The following L1TD1 variants were observed in gnomAD, a reference collection of about 807,000 sequenced individuals.
L1TD1 encodes the protein LINE-1 type transposase domain-containing protein 1.
L1TD1 carries 26 observed loss-of-function variants against 25.7 expected under a neutral mutation model. That is an observed-to-expected ratio of 1.01 (90% CI 0.74 to 1.40). The LOEUF is 1.40. L1TD1 is among the 40% of genes most tolerant of loss of function. The pLI is 0.00. For synonymous variants in L1TD1, 421 were observed against 335.6 expected (o/e 1.25, Z -2.78); for missense variants, 1,130 against 975.0 (o/e 1.16, Z -2.12).
Position 62,206,834 on chromosome 1 carries a change from T to C in L1TD1, c.206T>C (p.Met69Thr). The change falls in exon 3 of 4, where the codon ATG (methionine) becomes ACG (threonine). Residue 69 changes from methionine (M) to threonine (T), a missense_variant. Physicochemically the swap from Met to Thr is moderately conservative, Grantham distance 81. Coordinates refer to ENST00000498273, the MANE Select transcript of L1TD1 (RefSeq NM_019079.5). ...MEIQDLMFEE[M>T]RETLKNDLKA... ...ATTCAAGACCTGATGTTTGAGGAGA[T>C]GAGGGAAACTCTTAAAAATGACCTA... 6.2e-7 allele frequency: 1 copy of C among 1,609,958 alleles called. No individual in the cohort carries two copies. The highest frequency in any genetic ancestry group is 8.5e-7 in the Non-Finnish European group (1 of 1,177,996).
At chr1:62,202,082 C>G (rs962271725) in intron 2 of L1TD1, among the ~76,000 whole-genome samples, 2 of 152,164 alleles carry the variant, frequency 1.3e-5, no homozygotes, top group African/African-American at 2.4e-5. Flanking sequence ...GGGTGGATCA[C>G]CTGAGGTTGG....
At position 62,206,960 on chromosome 1, in the gene L1TD1, A is replaced by G. The variant is rs1031629613; in HGVS notation, c.332A>G (p.Gln111Arg). 1 of 1,613,608 alleles carries G rather than the reference A, an allele frequency of 6.2e-7. No homozygotes were observed. The highest frequency in any genetic ancestry group is 8.5e-7 in the Non-Finnish European group (1 of 1,179,902). The change falls in exon 3 of 4, where the codon CAA becomes CGA. Residue 111 changes from glutamine (Q) to arginine (R), a missense_variant. Gln to Arg is a conservative substitution (Grantham distance 43). Transcript: ENST00000498273. ...EFQQIINLAL[Q>R]KTGMVGKIEG... ...CAGCAAATAATCAATTTAGCATTAC[A>G]AAAAACAGGGATGGTAGGGAAAATA...
intron 2 of L1TD1, among the ~76,000 whole-genome samples, chr1:62,201,487 GCT>G: frequency 2.2e-5 from 2 of 89,762 alleles, no homozygotes; most frequent in East Asian, 2.6e-4. Flanking sequence ...GTGAGACCCT[GCT>G]TAAAAAAAAA....
chr1:62,208,841 C>T (rs929220691), intron 3 of L1TD1, among the ~76,000 whole-genome samples: 2 of 152,174 alleles, frequency 1.3e-5, no homozygotes, highest in Non-Finnish European at 1.5e-5. Context: ...TCTCCTCTGC[C>T]TTTCCAACAT....
chr1:62,202,975 A>G (rs953189815), intron 2 of L1TD1, among the ~76,000 whole-genome samples: 7 of 151,654 alleles, frequency 4.6e-5, no homozygotes, highest in Non-Finnish European at 8.8e-5. Context: ...GAGCCACCTC[A>G]CCCAGCCTAA....
intron 2 of L1TD1, among the ~76,000 whole-genome samples, chr1:62,204,162 A>T (rs1425664391): frequency 6.6e-6 from 1 of 152,060 alleles, no homozygotes; most frequent in Admixed American, 6.6e-5. Context: ...TCCCCTTGTT[A>T]TTCATAGTAT....
chr1:62,196,982 C>G (rs924688658), intron 2 of L1TD1, among the ~76,000 whole-genome samples: 3 of 151,934 alleles, frequency 2.0e-5, no homozygotes, highest in Admixed American at 6.6e-5. Flanking sequence ...TGGGTCAGGA[C>G]CCTTTTGCAG....
Position 62,206,737 on chromosome 1 carries a change from A to G in L1TD1, c.109A>G (p.Ile37Val). 6.4e-7 allele frequency: 1 copy of G among 1,551,952 alleles called. No homozygotes were observed. The highest frequency in any genetic ancestry group is 8.7e-7 in the Non-Finnish European group (1 of 1,147,040). Residue 37 changes from isoleucine (I) to valine (V), a missense_variant, in exon 3 of 4, where the codon ATA becomes GTA. Transcript: ENST00000498273. ...GCAGTTAACAGAAACTGATAAGGAC[A>G]TAGCTCCGGTATTAGATTTAAAATG... ...REQLTETDKD[I>V]APVLDLKCKD... is the part of the protein sequence containing the mutation.
chr1:62,209,892 A>G lies in L1TD1; in HGVS notation c.1118A>G (p.Asn373Ser). 6.2e-7 allele frequency: 1 copy of G among 1,614,132 alleles called. No homozygotes were observed. Among genetic ancestry groups the G allele is most frequent in the Non-Finnish European group, 8.5e-7 (1 of 1,180,036 alleles). Residue 373 changes from asparagine (N) to serine (S), a missense_variant, in exon 4 of 4, where the codon AAC becomes AGC. By Grantham distance (46) the Asn-to-Ser change is conservative. Coordinates refer to ENST00000498273, the MANE Select transcript of L1TD1 (RefSeq NM_019079.5). ...GTTGCTAAGCCAGAGGAGATGAAAAACTTAGAGACTCAAGAGGAAGAGTTT... is the reference window on the plus strand; with the variant it reads ...GTTGCTAAGCCAGAGGAGATGAAAAGCTTAGAGACTCAAGAGGAAGAGTTT... ...VKVAKPEEMK[N>S]LETQEEEFSE... is the part of the protein sequence containing the mutation.
At position 62,210,793 on chromosome 1, in the gene L1TD1, C is replaced by T; in HGVS notation, c.2019C>T (p.Phe673=). 1.3e-6 allele frequency: 2 copies of T among 1,550,252 alleles called. No homozygotes were observed. Among genetic ancestry groups the T allele is most frequent in the Non-Finnish European group, 1.7e-6 (2 of 1,146,698 alleles). ...IDSLEDQIEE[F]SKDTMQMTKQ... The stretch of plus-strand genomic sequence containing the variant: ...GTCTAGAAGATCAAATTGAAGAATT[C>T]TCTAAGGATACAATGCAAATGACCA... The change falls in exon 4 of 4, where the codon TTC becomes TTT. Residue 673 remains phenylalanine, a synonymous_variant. Transcript: ENST00000498273.
rs1348833398 is a variant in L1TD1 at position 62,209,942 on chromosome 1, G to A, written c.1168G>A (p.Glu390Lys). 1.9e-6 allele frequency: 3 copies of A among 1,612,628 alleles called. No homozygotes were observed. Among genetic ancestry groups the A allele is most frequent in the Admixed American group, 1.7e-5 (1 of 59,952 alleles). ...TTCCGAGCTAGAGGAGCTGGATGAA[G>A]AGGCCTCAGGGATGGAGGATGATGA... ...EFSELEELDE[E>K]ASGMEDDEDT... The change falls in exon 4 of 4, where the codon GAG becomes AAG. Residue 390 changes from glutamate to lysine, a missense_variant. Coordinates refer to ENST00000498273, the MANE Select transcript of L1TD1 (RefSeq NM_019079.5).
chr1:62,202,735 AGGCAAT>A (rs1670667179), intron 2 of L1TD1, among the ~76,000 whole-genome samples: 1 of 122,156 alleles, frequency 8.2e-6, no homozygotes, highest in African/African-American at 3.3e-5. Context: ...CCCAGGCTGG[AGGCAAT>A]GGCACGATCC....
chr1:62,199,477 C>T (rs1361645379), intron 2 of L1TD1, among the ~76,000 whole-genome samples: 3 of 148,116 alleles, frequency 2.0e-5, no homozygotes, highest in African/African-American at 5.0e-5. Context: ...CAGCCTAATC[C>T]ACAGAGTGAG....
In L1TD1 at chr1:62,210,279, C is replaced by T. The variant is rs183616731; in HGVS notation, c.1505C>T (p.Ala502Val). The T allele has an allele frequency of 1.8e-5, 29 of 1,613,910 alleles. No homozygotes were observed. Among genetic ancestry groups the T allele is most frequent in the Non-Finnish European group, 2.3e-5 (27 of 1,179,982 alleles). ...VKTTSLTEKKASRRQKEIPFS... is the reference protein window; with the variant it reads ...VKTTSLTEKKVSRRQKEIPFS... Reference sequence around the variant, plus strand: ...ACTACCTCCCTGACTGAGAAAAAAGCCTCACGTAGACAAAAAGAAATTCCC... The same window carrying T: ...ACTACCTCCCTGACTGAGAAAAAAGTCTCACGTAGACAAAAAGAAATTCCC... Residue 502 changes from alanine to valine, a missense_variant, in exon 4 of 4, where the codon GCC becomes GTC. By Grantham distance (64) the Ala-to-Val change is moderately conservative (BLOSUM62 0). Coordinates refer to ENST00000498273, the MANE Select transcript of L1TD1 (RefSeq NM_019079.5).
At chr1:62,197,391 AATAAATTATATATATATATAT>A (rs949836389) in intron 2 of L1TD1, among the ~76,000 whole-genome samples, 2 of 132,522 alleles carry the variant, frequency 1.5e-5, no homozygotes, top group African/African-American at 5.8e-5. Context: ...TCTCAAAAAA[AATAAATTATATATATATATAT>A]ATATATATAT....
At chr1:62,197,433 A>ATATATATATG (rs1174042182) in intron 2 of L1TD1, among the ~76,000 whole-genome samples, 118 of 138,418 alleles carry the variant, frequency 8.5e-4, no homozygotes, top group Non-Finnish European at 1.4e-3. Flanking sequence ...ATATATATAT[A>ATATATATATG]GTTTAGTCCT....
intron 2 of L1TD1, among the ~76,000 whole-genome samples, chr1:62,198,128 A>C (rs1349085815): frequency 6.6e-6 from 1 of 151,898 alleles, no homozygotes; most frequent in Non-Finnish European, 1.5e-5. Flanking sequence ...ACTAACTAGA[A>C]GTCGAAGTTG....
chr1:62,201,875 G>T (rs1431461003), intron 2 of L1TD1, among the ~76,000 whole-genome samples: 1 of 152,162 alleles, frequency 6.6e-6, no homozygotes, highest in Non-Finnish European at 1.5e-5. Flanking sequence ...CTGAATGAGA[G>T]TGGGCCCCTT....
At chr1:62,205,791 G>A (rs749898949) in intron 2 of L1TD1, among the ~76,000 whole-genome samples, 2 of 151,922 alleles carry the variant, frequency 1.3e-5, no homozygotes, top group Non-Finnish European at 2.9e-5. Flanking sequence ...GAGTGCAGGG[G>A]CACAATCACA....
Sources: allele counts gnomAD v4.1 joint callset (sites outside exome capture counted in the v4.1 genomes callset), GRCh38; gene constraint gnomAD v4.1.1; transcripts MANE v1.5; gene names NCBI Gene and HGNC (gene_info 2026-07-23, HGNC 2026-07-21).